The following WDR41 variants were observed in gnomAD, a reference collection of about 807,000 sequenced individuals.
WDR41 encodes WD repeat-containing protein 41.
A neutral mutation model predicts 69.3 loss-of-function variants in WDR41; 63 were observed. The ratio of observed to expected loss-of-function variants is 0.91; its 90% CI spans 0.74 to 1.12. WDR41 has a LOEUF of 1.12. Ranked by LOEUF, WDR41 falls within the 50% of genes most tolerant of loss-of-function variation. The pLI is 0.00. For synonymous variants in WDR41, 185 were observed against 192.1 expected, an observed-to-expected ratio of 0.96 and a Z score of 0.31; for missense variants, 543 against 534.5, an observed-to-expected ratio of 1.02 and a Z score of -0.16.
At chr5:77,465,497 A>G (rs1800264620) in intron 2 of WDR41, among the ~76,000 whole-genome samples, 1 of 152,112 alleles carries the variant, frequency 6.6e-6, no homozygotes, top group East Asian at 1.9e-4. Context: ...CTGAACATAA[A>G]CACTATCAAA....
Position 77,433,108 on chromosome 5 carries a change from A to G in WDR41, c.*27T>C. ...ACCCGATATTTGATGTTCAAGGTTC[A>G]TGCATGTGTATTTTTAATTCCTTAA... On this transcript the variant is annotated 3_prime_UTR_variant, in exon 13 of 13. Transcript: ENST00000296679. The G allele has an allele frequency of 6.3e-7, 1 of 1,597,380 alleles. No individual in the cohort carries two copies. The highest frequency in any genetic ancestry group is 8.5e-7 in the Non-Finnish European group (1 of 1,171,982).
intron 2 of WDR41, among the ~76,000 whole-genome samples, chr5:77,484,257 AAATT>A (rs1273679880): frequency 2.0e-5 from 3 of 152,192 alleles, no homozygotes; most frequent in African/African-American, 7.2e-5. Context: ...TGAAAGGACA[AAATT>A]ATTAGAAATA....
intron 1 of WDR41, among the ~76,000 whole-genome samples, chr5:77,619,236 T>C (rs1744732085): frequency 1.3e-5 from 2 of 152,228 alleles, no homozygotes; most frequent in Non-Finnish European, 2.9e-5. Context: ...AAAGTCGATA[T>C]TGCATTTCCC....
Position 77,453,899 on chromosome 5 carries a change from A to G in WDR41, c.441T>C (p.Val147=), listed in dbSNP as rs1799721211. Residue 147 remains valine, a synonymous_variant, in exon 6 of 13, where the codon GTT becomes GTC. Transcript: ENST00000296679. ...ACAGGTCATTCCCACCAGAAAGCCA[A>G]ACATCTAGTCTCTGAAGAACAGTTA... ...KCLTVLQRLD[V]WLSGGNDLCV... 1.9e-6 allele frequency: 3 copies of G among 1,614,130 alleles called. No homozygotes were observed. Among genetic ancestry groups the G allele is most frequent in the African/African-American group, 1.3e-5 (1 of 75,054 alleles).
At chr5:77,560,974 A>G (rs1175321174) in intron 1 of WDR41, among the ~76,000 whole-genome samples, 1 of 152,172 alleles carries the variant, frequency 6.6e-6, no homozygotes, top group African/African-American at 2.4e-5. Flanking sequence ...CGGTAGAGAT[A>G]GCTGGGTTGA....
chr5:77,513,100 A>G (rs1193479504), intron 1 of WDR41, among the ~76,000 whole-genome samples: 1 of 152,210 alleles, frequency 6.6e-6, no homozygotes, highest in Non-Finnish European at 1.5e-5. Flanking sequence ...TTTTGAACAT[A>G]TATGGTTTTG....
In WDR41 at chr5:77,517,631, C is replaced by CATATATATAT. The variant is rs34773798; in HGVS notation, c.43-28069_43-28060dup. ...TTGACATTTATTCATATTTATTGAA[C>CATATATATAT]ATATATATATATATATATATATATA... On this transcript the variant is annotated intron_variant, in intron 1 of 5. Coordinates refer to the WDR41 transcript ENST00000509971. Among the ~76,000 whole-genome samples, 81 of 141,180 alleles carry CATATATATAT rather than the reference C, an allele frequency of 5.7e-4. 1 individual carries two copies. The highest frequency in any genetic ancestry group is 1.5e-3 in the African/African-American group (55 of 37,580). 92.6% of individuals were successfully genotyped at this position (141,180 alleles called of 152,430 possible). A position where few individuals can be genotyped will look rare whatever the true frequency, so the allele number is the denominator to read the frequency against.
Position 77,569,988 on chromosome 5 carries a change from C to T in WDR41, c.42+50491G>A, listed in dbSNP as rs557399222. Among the ~76,000 whole-genome samples, 92 of 152,238 alleles carry T rather than the reference C, an allele frequency of 6.0e-4. 1 individual carries two copies. In the South Asian group the frequency reaches 0.019, roughly 31 times the overall value. On this transcript the variant is annotated intron_variant, in intron 1 of 5. Transcript: ENST00000509971. Reference sequence around the variant, plus strand: ...CCAGCAGATCCTGGGAACTTCTTTTCTCTCTGAGAATAAACTGGTATTTAG... The same window carrying T: ...CCAGCAGATCCTGGGAACTTCTTTTTTCTCTGAGAATAAACTGGTATTTAG...
chr5:77,521,231 T>G (rs770636523), intron 1 of WDR41, among the ~76,000 whole-genome samples: 27 of 152,242 alleles, frequency 1.8e-4, no homozygotes, highest in Admixed American at 6.5e-4. Flanking sequence ...ACTAGTTAGA[T>G]TCTCATAAGG....
At chr5:77,619,373 G>C (rs549752322) in intron 1 of WDR41, among the ~76,000 whole-genome samples, 1 of 152,088 alleles carries the variant, frequency 6.6e-6, no homozygotes, top group Non-Finnish European at 1.5e-5. Context: ...AGAAACAAAA[G>C]TCCTGAATCT....
At position 77,432,995 on chromosome 5, in the gene WDR41, CA is replaced by C; in HGVS notation, c.*139del. The C allele has an allele frequency of 1.0e-6, 1 of 962,476 alleles. No homozygotes were observed. Among genetic ancestry groups the C allele is most frequent in the Non-Finnish European group, 1.5e-6 (1 of 669,568 alleles). The allele number at this position is 962,476 out of a possible 1,614,324, so 59.6% of individuals were successfully genotyped here. A position where few individuals can be genotyped will look rare whatever the true frequency, so the allele number is the denominator to read the frequency against. ...AACATGTTCCTGGTTGGTAGGTCCA[CA>C]AAAAATTTAAACATGTAGAATTTTA... On this transcript the variant is annotated 3_prime_UTR_variant, in exon 13 of 13. Coordinates refer to ENST00000296679, the MANE Select transcript of WDR41 (RefSeq NM_018268.4).
intron 8 of WDR41, among the ~76,000 whole-genome samples, chr5:77,442,157 G>A (rs1266558790): frequency 1.3e-5 from 2 of 152,060 alleles, no homozygotes; most frequent in African/African-American, 2.4e-5. Context: ...CTTGAAAAAT[G>A]TAAATCTCGA....
intron 1 of WDR41, among the ~76,000 whole-genome samples, chr5:77,503,190 C>CAAAAAAAAAAAAAA (rs144057313): frequency 1.3e-5 from 1 of 74,314 alleles, no homozygotes; most frequent in African/African-American, 5.1e-5. Context: ...AAATGGAAAG[C>CAAAAAAAAAAAAAA]AAAAAAAAAA....
intron 1 of WDR41, among the ~76,000 whole-genome samples, chr5:77,619,933 T>C (rs1014170338): frequency 2.0e-5 from 3 of 152,104 alleles, no homozygotes; most frequent in African/African-American, 4.8e-5. Flanking sequence ...GTAAAGATGA[T>C]GTTTAAAGAG....
chr5:77,583,374 T>C (rs1580027208), intron 1 of WDR41, among the ~76,000 whole-genome samples: 1 of 149,674 alleles, frequency 6.7e-6, no homozygotes, highest in South Asian at 2.1e-4. Flanking sequence ...ATTAGCCAGG[T>C]ACAGTGGCCC....
At chr5:77,435,212 A>G (rs1798893184) in intron 12 of WDR41, among the ~76,000 whole-genome samples, 1 of 152,222 alleles carries the variant, frequency 6.6e-6, no homozygotes, top group Non-Finnish European at 1.5e-5. Context: ...GTACCCCAAC[A>G]TCAAGGAGCT....
Position 77,443,010 on chromosome 5 carries a change from T to C in WDR41, c.698-2013A>G, listed in dbSNP as rs1374571363. ...TCTTATTTCAAATAAATGTAATTTA[T>C]TTAAATTATTACATATTTAGGGTAA... On this transcript the variant is annotated intron_variant, in intron 8 of 12. Coordinates refer to ENST00000296679, the MANE Select transcript of WDR41 (RefSeq NM_018268.4). Among the ~76,000 whole-genome samples, 5 of 151,730 alleles carry C rather than the reference T, an allele frequency of 3.3e-5. No individual in the cohort carries two copies. In the East Asian group the frequency reaches 9.7e-4, roughly 29 times the overall value.
intron 2 of WDR41, among the ~76,000 whole-genome samples, chr5:77,469,454 T>C (rs1800461684): frequency 6.6e-6 from 1 of 152,202 alleles, no homozygotes; most frequent in Admixed American, 6.5e-5. Flanking sequence ...TGCACCTCTG[T>C]ATTCTGTATT....
intron 2 of WDR41, among the ~76,000 whole-genome samples, chr5:77,471,992 A>C (rs188612782): frequency 1.3e-4 from 20 of 152,344 alleles, no homozygotes; most frequent in Admixed American, 2.6e-4. Context: ...TTAGACCAAT[A>C]ACCCTGATGA....
Sources: allele counts gnomAD v4.1 joint callset (sites outside exome capture counted in the v4.1 genomes callset), GRCh38; gene constraint gnomAD v4.1.1; transcripts MANE v1.5; gene names NCBI Gene and HGNC (gene_info 2026-07-23, HGNC 2026-07-21).